The following MYO1H variants were observed in gnomAD, a reference collection of about 807,000 sequenced individuals.
MYO1H encodes unconventional myosin-Ih.
A neutral mutation model predicts 149.3 loss-of-function variants in MYO1H; 118 were observed. The ratio of observed to expected loss-of-function variants is 0.79; its 90% confidence interval spans 0.68 to 0.92. The LOEUF is 0.92. Ranked by LOEUF, MYO1H falls within the 40% of genes least tolerant of loss-of-function variation. The probability of loss-of-function intolerance (pLI) is 0.00; values close to 1 mark genes in which losing one functional copy is unlikely to be tolerated. For missense variants in MYO1H, 1,212 were observed against 1,280.7 expected (o/e 0.95, Z 0.82); for synonymous variants, 447 against 465.2 (o/e 0.96, Z 0.50).
chr12:109,340,367 C>T, the MYO1H span, among the ~76,000 whole-genome samples: 1 of 152,144 alleles, frequency 6.6e-6, no homozygotes, highest in African/African-American at 2.4e-5. Flanking sequence ...TAGGGTTTCA[C>T]CATGTTGGCC....
chr12:109,443,908 A>T lies in MYO1H; in HGVS notation c.2824+259A>T, dbSNP rs1872360586. ...CAAAGTGAGACTCTGGCTCAAAAAA[A>T]AAAACAAAAAACAAAACCATCTGCC... On this transcript the variant is annotated intron_variant, in intron 28 of 31. Transcript: ENST00000310903. Among the ~76,000 whole-genome samples, 5 of 151,978 alleles carry T rather than the reference A, an allele frequency of 3.3e-5. No individual in the cohort carries two copies. The South Asian group carries it at 1.0e-3, about 32-fold the overall frequency.
intron 2 of MYO1H, among the ~76,000 whole-genome samples, chr12:109,393,103 C>T (rs938658039): frequency 9.2e-5 from 14 of 152,088 alleles, no homozygotes; most frequent in Non-Finnish European, 1.8e-4. Flanking sequence ...CCACCGCGCC[C>T]GGCCATGTAC....
At chr12:109,440,256 G>A (rs555402930) in intron 24 of MYO1H, among the ~76,000 whole-genome samples, 13 of 152,170 alleles carry the variant, frequency 8.5e-5, no homozygotes, top group African/African-American at 3.1e-4. Flanking sequence ...GGTTAGTCTC[G>A]AACTCCTGAC....
chr12:109,425,930 C>T lies in MYO1H; in HGVS notation c.1726-16C>T. ...TCTCTGGCTCGTTCTCTCTCTCTTT[C>T]TCTCTCTCTCTGCAGGTGGGGACTC... On this transcript the variant is annotated splice_polypyrimidine_tract_variant and intron_variant, in intron 17 of 31. Coordinates refer to ENST00000310903, the Ensembl canonical transcript of MYO1H. The T allele has an allele frequency of 1.6e-6, 2 of 1,284,746 alleles. No homozygotes were observed. The highest frequency in any genetic ancestry group is 2.2e-6 in the Non-Finnish European group (2 of 914,394). The allele number at this position is 1,284,746 out of a possible 1,614,324, so 79.6% of individuals were successfully genotyped here. A position where few individuals can be genotyped will look rare whatever the true frequency, so the allele number is the denominator to read the frequency against.
chr12:109,358,920 T>C (rs1868674726), intron 1 of MYO1H, among the ~76,000 whole-genome samples: 2 of 149,070 alleles, frequency 1.3e-5, no homozygotes, highest in Non-Finnish European at 3.0e-5. Flanking sequence ...TTTGGGCCTT[T>C]GGGTATGAGT....
chr12:109,422,480 G>C (rs1185283585), intron 16 of MYO1H, among the ~76,000 whole-genome samples: 2 of 152,224 alleles, frequency 1.3e-5, no homozygotes, highest in Non-Finnish European at 2.9e-5. Flanking sequence ...TCATGGAGTA[G>C]CTGTGGAGAA....
chr12:109,360,249 G>C (rs1868714388), intron 1 of MYO1H, among the ~76,000 whole-genome samples: 1 of 151,990 alleles, frequency 6.6e-6, no homozygotes. Context: ...GATTTGGGTG[G>C]CTATTCATTG....
At chr12:109,337,080 G>A in the MYO1H span, among the ~76,000 whole-genome samples, 2 of 152,156 alleles carry the variant, frequency 1.3e-5, no homozygotes, top group African/African-American at 4.8e-5. Flanking sequence ...GAACACAGTC[G>A]TTGGAGGGAA....
Position 109,407,879 on chromosome 12 carries a change from TG to T in MYO1H, c.1123del (p.Val375SerfsTer8). 1 of 1,614,024 alleles carries T rather than the reference TG, an allele frequency of 6.2e-7. No individual in the cohort carries two copies. Among genetic ancestry groups the T allele is most frequent in the Non-Finnish European group, 8.5e-7 (1 of 1,179,888 alleles). ...GTTTATGGACGAACGTTTACTTGGC[TG>T]GTCAACAAAATCAATTCCTCCTTAG... On this transcript the variant is annotated frameshift_variant, in exon 10 of 32. Transcript: ENST00000310903. LOFTEE classifies it high-confidence loss of function.
intron 1 of MYO1H, among the ~76,000 whole-genome samples, chr12:109,366,574 C>G (rs1868870535): frequency 1.3e-5 from 2 of 152,206 alleles, no homozygotes; most frequent in African/African-American, 4.8e-5. Flanking sequence ...ACTTCCAGAA[C>G]AATCTCCTTG....
intron 1 of MYO1H, among the ~76,000 whole-genome samples, chr12:109,372,532 A>G (rs1869003575): frequency 6.6e-6 from 1 of 152,036 alleles, no homozygotes; most frequent in Admixed American, 6.5e-5. Flanking sequence ...ATCCACCTGT[A>G]TGTTTGGGAT....
chr12:109,349,005 GA>G (rs1566016009), intron 1 of MYO1H, among the ~76,000 whole-genome samples: 1 of 152,200 alleles, frequency 6.6e-6, no homozygotes, highest in East Asian at 1.9e-4. Flanking sequence ...GTCCTTGACC[GA>G]AAATGTATCT....
exon 19 of MYO1H, chr12:109,427,485 C>T (rs756589476): frequency 6.8e-6 from 11 of 1,611,568 alleles, no homozygotes; most frequent in Non-Finnish European, 1.7e-6. Context: ...TTGATGACTT[C>T]CTCATAAGGC....
In MYO1H at chr12:109,391,258, T is replaced by C. The variant is rs978474004; in HGVS notation, c.175-2073T>C. 6.6e-5 allele frequency among the ~76,000 whole-genome samples: 10 copies of C among 152,108 alleles called. No individual in the cohort carries two copies. The East Asian group carries it at 9.6e-4, about 15-fold the overall frequency. ...CCGCAACAAGCCCCAATGGGTGTTG[T>C]TCCCCCCTCTCCCACAAATGTGTCC... On this transcript the variant is annotated intron_variant, in intron 2 of 31. Transcript: ENST00000310903.
At position 109,351,198 on chromosome 12, in the gene MYO1H, A is replaced by G. The variant is rs1868454624; in HGVS notation, c.12+3226A>G. Reference sequence around the variant, plus strand: ...TCTTATTTCAGAGACCTTTATTTTTAATTTTGCAACTGATCTTACTATCAC... The same window carrying G: ...TCTTATTTCAGAGACCTTTATTTTTGATTTTGCAACTGATCTTACTATCAC... On this transcript the variant is annotated intron_variant, in intron 1 of 31. Transcript: ENST00000310903. Among the ~76,000 whole-genome samples, 16 of 152,244 alleles carry G rather than the reference A, an allele frequency of 1.1e-4. No homozygotes were observed. The South Asian group carries it at 3.3e-3, about 32-fold the overall frequency.
chr12:109,444,399 C>T (rs978295228), intron 29 of MYO1H, 33 bp from the exon 30 acceptor site: 2 of 1,594,718 alleles, frequency 1.3e-6, no homozygotes, highest in Middle Eastern at 1.7e-4. Context: ...GCTGTGAATA[C>T]TGAAATTATG....
intron 13 of MYO1H, 76 bp downstream of exon 13, chr12:109,410,844 A>G (rs1870631672): frequency 9.4e-7 from 1 of 1,066,868 alleles, no homozygotes. Flanking sequence ...TCCCAGGCTT[A>G]AAAAGGGTTG....
the MYO1H span, among the ~76,000 whole-genome samples, chr12:109,314,686 T>C: frequency 7.8e-3 from 1,187 of 152,268 alleles, 15 homozygotes; most frequent in Non-Finnish European, 8.4e-3. Flanking sequence ...CTTTCAGGGC[T>C]CTGAGAGGCT....
intron 3 of MYO1H, among the ~76,000 whole-genome samples, chr12:109,394,031 C>T (rs1383425791): frequency 6.6e-6 from 1 of 152,158 alleles, no homozygotes; most frequent in Non-Finnish European, 1.5e-5. Context: ...TCATTCCTCT[C>T]CCCTATGTAT....
Sources: gnomAD v4.1 joint callset for allele counts (sites outside exome capture counted in the v4.1 genomes callset) on GRCh38, gnomAD v4.1.1 for gene constraint, MANE v1.5 for transcripts, NCBI Gene and HGNC (gene_info 2026-07-23, HGNC 2026-07-21) for gene names.